The following DLGAP1 variants were observed in gnomAD, a reference collection of about 807,000 sequenced individuals.
DLGAP1 encodes the protein DLG associated protein 1.
DLGAP1 carries 11 observed loss-of-function variants against 90.8 expected under a neutral mutation model. That is an observed-to-expected ratio of 0.12 (90% confidence interval 0.08 to 0.20). The LOEUF (loss-of-function observed/expected upper bound fraction) is 0.20. Among genes scored for constraint, DLGAP1 ranks in the 10% least tolerant of loss-of-function variants. The probability of loss-of-function intolerance (pLI) is 1.00; values close to 1 mark genes in which losing one functional copy is unlikely to be tolerated. For synonymous variants in DLGAP1, 558 were observed against 540.7 expected, an observed-to-expected ratio of 1.03 and a Z score of -0.44; for missense variants, 1,050 against 1,333.8, an observed-to-expected ratio of 0.79 and a Z score of 3.31.
chr18:3,702,955 G>C (rs2061328966), intron 7 of DLGAP1, among the ~76,000 whole-genome samples: 1 of 152,164 alleles, frequency 6.6e-6, no homozygotes, highest in Non-Finnish European at 1.5e-5. Flanking sequence ...CTTAGAAATT[G>C]ACATGAAAGC....
chr18:3,911,645 A>G (rs897473479), intron 3 of DLGAP1, among the ~76,000 whole-genome samples: 1 of 152,210 alleles, frequency 6.6e-6, no homozygotes, highest in African/African-American at 2.4e-5. Flanking sequence ...TAAATTTTCA[A>G]TCCTACAGAA....
At chr18:3,952,347 T>C (rs1025202487) in intron 3 of DLGAP1, among the ~76,000 whole-genome samples, 10 of 152,204 alleles carry the variant, frequency 6.6e-5, no homozygotes, top group East Asian at 1.9e-4. Flanking sequence ...CTCTGGCTCA[T>C]TGGGACCAAC....
At chr18:3,880,926 G>C (rs1484684758) in intron 3 of DLGAP1, among the ~76,000 whole-genome samples, 6 of 122,788 alleles carry the variant, frequency 4.9e-5, no homozygotes, top group African/African-American at 1.9e-4. Flanking sequence ...CTGGGGGACA[G>C]AGCCAGACTC....
At chr18:4,227,558 T>A (rs1365707031) in intron 1 of DLGAP1, among the ~76,000 whole-genome samples, 1 of 151,886 alleles carries the variant, frequency 6.6e-6, no homozygotes, top group Non-Finnish European at 1.5e-5. Flanking sequence ...TTTAAAACTA[T>A]GCAAACACAT....
chr18:3,724,293 C>T (rs2062078989), intron 7 of DLGAP1, among the ~76,000 whole-genome samples: 2 of 152,008 alleles, frequency 1.3e-5, no homozygotes, highest in Admixed American at 6.6e-5. Context: ...ATAATCACAC[C>T]ACTGCACTGC....
At chr18:3,925,014 G>A (rs558412101) in intron 3 of DLGAP1, among the ~76,000 whole-genome samples, 40 of 152,122 alleles carry the variant, frequency 2.6e-4, no homozygotes, top group Admixed American at 1.1e-3. Flanking sequence ...GTGCAGTGGC[G>A]TGATCTTGGC....
chr18:3,592,333 C>T (rs573216180), intron 7 of DLGAP1, among the ~76,000 whole-genome samples: 7 of 152,328 alleles, frequency 4.6e-5, no homozygotes, highest in East Asian at 3.9e-4. Flanking sequence ...CTGCTCCTTG[C>T]GGTGATGTGT....
At chr18:4,331,370 C>T (rs552394483) in intron 1 of DLGAP1, among the ~76,000 whole-genome samples, 1 of 151,850 alleles carries the variant, frequency 6.6e-6, no homozygotes, top group African/African-American at 2.4e-5. Flanking sequence ...TTCTCCTACC[C>T]ATCAAGGGGA....
intron 7 of DLGAP1, among the ~76,000 whole-genome samples, chr18:3,600,915 GATATAGATATAT>G (rs1165490731): frequency 1.2e-4 from 2 of 16,792 alleles, no homozygotes; most frequent in Non-Finnish European, 2.7e-4. Flanking sequence ...TATATAGATA[GATATAGATATAT>G]ATAGATATAT....
intron 1 of DLGAP1, among the ~76,000 whole-genome samples, chr18:4,377,240 G>C (rs2082032732): frequency 6.6e-6 from 1 of 152,118 alleles, no homozygotes; most frequent in Non-Finnish European, 1.5e-5. Context: ...GAAATGACCA[G>C]TGATGCACCC....
chr18:4,141,923 TTC>T (rs1568418144), intron 2 of DLGAP1, among the ~76,000 whole-genome samples: 1 of 152,128 alleles, frequency 6.6e-6, no homozygotes. Context: ...CTATTTTGAA[TTC>T]TCTGTTTGAA....
chr18:3,574,940 G>A (rs1019033492), intron 8 of DLGAP1, among the ~76,000 whole-genome samples: 2 of 151,224 alleles, frequency 1.3e-5, no homozygotes, highest in Non-Finnish European at 3.0e-5. Flanking sequence ...TCAGCCTCCC[G>A]AGTAGCTGGG....
chr18:3,814,263 T>C lies in DLGAP1; in HGVS notation c.968A>G (p.Asp323Gly), dbSNP rs1405401602. 9.9e-6 allele frequency: 16 copies of C among 1,614,162 alleles called. No homozygotes were observed. The highest frequency in any genetic ancestry group is 2.2e-5 in the East Asian group (1 of 44,886). The change falls in exon 5 of 13, where the codon GAT becomes GGT. Residue 323 changes from aspartate to glycine, a missense_variant. Physicochemically the swap from Asp to Gly is moderately conservative, Grantham distance 94. Around this residue, in one of 2 missense-constraint regions of DLGAP1, gnomAD observed 565 missense variants for 879.7 expected, o/e 0.64. Coordinates refer to ENST00000315677, the MANE Select transcript of DLGAP1 (RefSeq NM_004746.4). Reference protein sequence around the residue: ...RSCQYLQVPQDEWTGYTPRGK... With the variant: ...RSCQYLQVPQGEWTGYTPRGK... ...TCGTGGGGTGTACCCTGTCCATTCA[T>C]CTTGTGGAACCTATTCAGATAGAAA...
chr18:3,746,980 C>T (rs938776455), intron 5 of DLGAP1, among the ~76,000 whole-genome samples: 10 of 152,118 alleles, frequency 6.6e-5, no homozygotes, highest in Non-Finnish European at 1.0e-4. Flanking sequence ...CTTTTTGCAG[C>T]TGCACTGAGG....
chr18:3,573,286 G>A (rs1044447106), intron 8 of DLGAP1, among the ~76,000 whole-genome samples: 7 of 152,250 alleles, frequency 4.6e-5, no homozygotes, highest in South Asian at 2.1e-4. Context: ...CAGATCACCT[G>A]AGGTCAGGAG....
At chr18:4,066,312 T>C (rs1436347493) in intron 2 of DLGAP1, among the ~76,000 whole-genome samples, 1 of 151,872 alleles carries the variant, frequency 6.6e-6, no homozygotes, top group Non-Finnish European at 1.5e-5. Flanking sequence ...TAGACAAATA[T>C]GTTCTAATTA....
intron 1 of DLGAP1, among the ~76,000 whole-genome samples, chr18:4,349,727 C>T (rs1016808608): frequency 6.6e-6 from 1 of 151,858 alleles, no homozygotes; most frequent in Non-Finnish European, 1.5e-5. Flanking sequence ...AAACCGATAA[C>T]ATGAATTGGT....
At chr18:3,595,040 C>T (rs1462783228) in intron 7 of DLGAP1, among the ~76,000 whole-genome samples, 1 of 152,162 alleles carries the variant, frequency 6.6e-6, no homozygotes, top group East Asian at 1.9e-4. Flanking sequence ...GCGGGAAACA[C>T]CCACGAAAAT....
At chr18:4,289,813 T>C (rs995472661) in intron 1 of DLGAP1, among the ~76,000 whole-genome samples, 1 of 152,248 alleles carries the variant, frequency 6.6e-6, no homozygotes, top group East Asian at 1.9e-4. Context: ...TTAGAAACAA[T>C]TGTACTTATT....
Sources: gnomAD v4.1 joint callset for allele counts (sites outside exome capture counted in the v4.1 genomes callset) on GRCh38, gnomAD v4.1.1 for gene constraint, gnomAD v4.1.1 regional missense constraint, MANE v1.5 for transcripts, NCBI Gene and HGNC (gene_info 2026-07-23, HGNC 2026-07-21) for gene names.